MEI4: variants seen among roughly 807,000 people sequenced by gnomAD.
MEI4 encodes meiotic double-stranded break formation protein 4, also known as meiosis-specific protein MEI4.
In MEI4, 27 loss-of-function variants were observed where a neutral mutation model predicts 31.4. The ratio of observed to expected loss-of-function variants is 0.86; its 90% CI spans 0.63 to 1.19. MEI4 has a LOEUF of 1.19. MEI4 is among the 50% of genes most tolerant of loss of function. The probability of loss-of-function intolerance (pLI) is 0.00; values close to 1 mark genes in which losing one functional copy is unlikely to be tolerated. For synonymous variants in MEI4, 122 were observed against 145.4 expected, an observed-to-expected ratio of 0.84 and a Z score of 1.16; for missense variants, 329 against 398.9, an observed-to-expected ratio of 0.82 and a Z score of 1.49.
At chr6:77,678,057 G>T (rs73457432) in intron 1 of MEI4, among the ~76,000 whole-genome samples, 1 of 152,094 alleles carries the variant, frequency 6.6e-6, no homozygotes, top group African/African-American at 2.4e-5. Flanking sequence ...ATTGATTACC[G>T]TGGAGCTGAA....
chr6:77,863,822 G>T (rs568412959), intron 4 of MEI4, among the ~76,000 whole-genome samples: 1 of 152,206 alleles, frequency 6.6e-6, no homozygotes, highest in African/African-American at 2.4e-5. Flanking sequence ...GTTAAGGGCA[G>T]CCAGAGAGAA....
chr6:77,800,287 C>T (rs1235470120), intron 3 of MEI4, among the ~76,000 whole-genome samples: 1 of 152,030 alleles, frequency 6.6e-6, no homozygotes, highest in Non-Finnish European at 1.5e-5. Flanking sequence ...CATGATTCGG[C>T]TCTCTGTTTG....
intron 4 of MEI4, among the ~76,000 whole-genome samples, chr6:77,855,948 A>C (rs192907935): frequency 2.0e-5 from 3 of 152,274 alleles, no homozygotes; most frequent in Admixed American, 1.3e-4. Flanking sequence ...CCATAACATC[A>C]CTTTATACCT....
In MEI4 at chr6:77,883,731, TATATATATATATAA is replaced by T. The variant is rs1022250737; in HGVS notation, c.901-39357_901-39344del. Among the ~76,000 whole-genome samples the T allele has an allele frequency of 9.6e-4, 136 of 141,304 alleles. 4 individuals carry two copies. The East Asian group carries it at 0.027, about 28-fold the overall frequency. 92.7% of individuals were successfully genotyped at this position (141,304 alleles called of 152,430 possible). On this transcript the variant is annotated intron_variant, in intron 4 of 4. Coordinates refer to ENST00000684080, the MANE Select transcript of MEI4 (RefSeq NM_001322247.2). ...CTATTATGTAAGATATATATATATA[TATATATATATATAA>T]CTTTGTCTTTGTCTATTCATTTATT...
intron 2 of MEI4, among the ~76,000 whole-genome samples, chr6:77,758,797 T>A (rs973457431): frequency 6.6e-6 from 1 of 152,188 alleles, no homozygotes; most frequent in Admixed American, 6.6e-5. Context: ...TTTTTTTATT[T>A]GTTTTTAATT....
intron 4 of MEI4, among the ~76,000 whole-genome samples, chr6:77,899,017 G>A (rs761031134): frequency 2.0e-5 from 3 of 152,076 alleles, no homozygotes; most frequent in African/African-American, 7.2e-5. Context: ...CATTGCCATC[G>A]GGAATACGAC....
intron 4 of MEI4, among the ~76,000 whole-genome samples, chr6:77,873,975 G>T (rs1351162817): frequency 2.0e-5 from 3 of 152,082 alleles, no homozygotes; most frequent in Non-Finnish European, 4.4e-5. Flanking sequence ...TCTCTGTTTT[G>T]GTGCCAGTAC....
intron 4 of MEI4, among the ~76,000 whole-genome samples, chr6:77,919,579 A>G (rs1262085400): frequency 6.6e-6 from 1 of 151,966 alleles, no homozygotes; most frequent in East Asian, 1.9e-4. Flanking sequence ...TAACATCACA[A>G]TTAAAAGAAC....
At chr6:77,788,462 T>C (rs1160903608) in intron 3 of MEI4, among the ~76,000 whole-genome samples, 1 of 152,184 alleles carries the variant, frequency 6.6e-6, no homozygotes, top group Admixed American at 6.5e-5. Flanking sequence ...GAAGTCAGAT[T>C]GTCCCTGTTT....
At chr6:77,732,132 A>C (rs1034667782) in intron 2 of MEI4, among the ~76,000 whole-genome samples, 12 of 151,448 alleles carry the variant, frequency 7.9e-5, no homozygotes, top group African/African-American at 2.9e-4. Flanking sequence ...GTTCCATATG[A>C]ACTTGAAAGT....
At chr6:77,886,620 A>G (rs764471073) in intron 4 of MEI4, among the ~76,000 whole-genome samples, 2 of 152,076 alleles carry the variant, frequency 1.3e-5, no homozygotes, top group South Asian at 4.2e-4. Flanking sequence ...TTTAGTAGAG[A>G]TGGGGTTTCA....
chr6:77,688,995 T>C (rs985798483), intron 1 of MEI4, among the ~76,000 whole-genome samples: 3 of 152,096 alleles, frequency 2.0e-5, no homozygotes, highest in African/African-American at 2.4e-5. Flanking sequence ...TAGTCCTTAG[T>C]GTAGTCAACA....
At chr6:77,841,025 A>G (rs978684817) in intron 4 of MEI4, among the ~76,000 whole-genome samples, 5 of 152,100 alleles carry the variant, frequency 3.3e-5, no homozygotes, top group Admixed American at 6.6e-5. Flanking sequence ...GCTTAAGACC[A>G]CAGGGAGTTG....
Sources: gnomAD v4.1 joint callset for allele counts (sites outside exome capture counted in the v4.1 genomes callset) on GRCh38, gnomAD v4.1.1 for gene constraint, MANE v1.5 for transcripts, NCBI Gene and HGNC (gene_info 2026-07-23, HGNC 2026-07-21) for gene names.